FBXO6: variants seen among roughly 807,000 people sequenced by gnomAD.
FBXO6 encodes F-box only protein 6.
A neutral mutation model predicts 25.0 loss-of-function variants in FBXO6; 13 were observed. The observed-to-expected ratio is 0.52, with a 90% CI of 0.34 to 0.83. The LOEUF is 0.83. FBXO6 is among the 40% of genes least tolerant of loss of function. FBXO6 has a pLI of 0.02. For synonymous variants in FBXO6, 138 were observed against 155.3 expected, an observed-to-expected ratio of 0.89 and a Z score of 0.83; for missense variants, 370 against 380.2, an observed-to-expected ratio of 0.97 and a Z score of 0.22.
At chr1:11,670,788 A>G (rs929491011) in intron 2 of FBXO6, among the ~76,000 whole-genome samples, 3 of 152,074 alleles carry the variant, frequency 2.0e-5, no homozygotes, top group Non-Finnish European at 2.9e-5. Context: ...GTACTCTCAC[A>G]GGCCTCTCGT....
intron 3 of FBXO6, 135 bp from the exon 4 acceptor site, chr1:11,671,793 G>C (rs1640622359): frequency 1.3e-6 from 1 of 759,872 alleles, no homozygotes; most frequent in Non-Finnish European, 2.3e-6. Flanking sequence ...GCCAGTGCCT[G>C]TCCCGCAGCG....
At chr1:11,669,543 T>G (rs1432712967) in intron 2 of FBXO6, among the ~76,000 whole-genome samples, 1 of 150,490 alleles carries the variant, frequency 6.6e-6, no homozygotes, top group Non-Finnish European at 1.5e-5. Flanking sequence ...AGGGGCCAAA[T>G]GGACCTTGTT....
intron 2 of FBXO6, among the ~76,000 whole-genome samples, chr1:11,669,707 CAT>C (rs1055297345): frequency 1.0e-4 from 14 of 134,694 alleles, no homozygotes; most frequent in African/African-American, 3.1e-4. Context: ...CATATGTATA[CAT>C]ATATGTGTAT....
chr1:11,669,645 CACGTGTATACATATACACAT>C lies in FBXO6; in HGVS notation c.286+702_286+721del, dbSNP rs1557672819. On this transcript the variant is annotated intron_variant, in intron 2 of 5. Transcript: ENST00000376753. ...GTATATACACATGTATACATATATA[CACGTGTATACATATACACAT>C]GTATATATGTACACATATATACGTA... is the stretch of plus-strand genomic sequence containing the variant. Among the ~76,000 whole-genome samples, 223 of 137,432 alleles carry C rather than the reference CACGTGTATACATATACACAT, an allele frequency of 1.6e-3. 1 individual carries two copies. The highest frequency in any genetic ancestry group is 5.8e-3 in the African/African-American group (206 of 35,490). 90.2% of individuals were successfully genotyped at this position (137,432 alleles called of 152,430 possible). A position where few individuals can be genotyped will look rare whatever the true frequency, so the allele number is the denominator to read the frequency against.
chr1:11,665,211 A>ATTTT (rs1322981488), intron 1 of FBXO6, among the ~76,000 whole-genome samples: 1 of 94,404 alleles, frequency 1.1e-5, no homozygotes, highest in Non-Finnish European at 2.0e-5. Flanking sequence ...GGCCTAGCTA[A>ATTTT]TTTCTTTTTT....
At chr1:11,671,229 A>T in intron 2 of FBXO6, 37 bp from the exon 3 acceptor site, 1 of 1,605,044 alleles carries the variant, frequency 6.2e-7, no homozygotes, top group Non-Finnish European at 8.5e-7. Context: ...CTTTGGATTT[A>T]CACAGGGGGT....
At chr1:11,667,245 C>T (rs1370692224) in intron 1 of FBXO6, among the ~76,000 whole-genome samples, 1 of 152,112 alleles carries the variant, frequency 6.6e-6, no homozygotes, top group Non-Finnish European at 1.5e-5. Flanking sequence ...AGATGAGGCC[C>T]ACCTGAGTGA....
rs1223165589 is a variant in FBXO6, at chr1:11,668,403, T to TG, written c.-3-253_-3-252insG. On this transcript the variant is annotated intron_variant, in intron 1 of 5. Coordinates refer to ENST00000376753, the MANE Select transcript of FBXO6 (RefSeq NM_018438.6). ...GCCTCAGAAATGCTCTTTTGTGGGT[T>TG]TTTTTTTTTTTTTAGCCAGAGTCTT... is the stretch of plus-strand genomic sequence containing the variant. Among the ~76,000 whole-genome samples, 369 of 130,670 alleles carry TG rather than the reference T, an allele frequency of 2.8e-3. 1 individual carries two copies. The highest frequency in any genetic ancestry group is 4.3e-3 in the Admixed American group (60 of 14,022). 85.7% of individuals were successfully genotyped at this position (130,670 alleles called of 152,430 possible). A position where few individuals can be genotyped will look rare whatever the true frequency, so the allele number is the denominator to read the frequency against.
Position 11,674,029 on chromosome 1 carries a change from G to A in FBXO6, c.*178G>A. 1.6e-6 allele frequency: 1 copy of A among 615,168 alleles called. No individual in the cohort carries two copies. Among genetic ancestry groups the A allele is most frequent in the Non-Finnish European group, 2.9e-6 (1 of 348,408 alleles). The allele number at this position is 615,168 out of a possible 1,614,324, so 38.1% of individuals were successfully genotyped here. A position where few individuals can be genotyped will look rare whatever the true frequency, so the allele number is the denominator to read the frequency against. ...GTTGTAATAAATGTTTTCAGGCCGG[G>A]CACTGTGGCTCACGCCTGTAATCCC... is the stretch of plus-strand genomic sequence containing the variant. On this transcript the variant is annotated 3_prime_UTR_variant, in exon 6 of 6. Transcript: ENST00000376753. This position sits in a 1 kb window ranked among gnomAD's most constrained non-coding sequence, Gnocchi z 6.1.
In FBXO6 at chr1:11,669,536, G is replaced by A. The variant is rs1640546217; in HGVS notation, c.286+592G>A. Among the ~76,000 whole-genome samples, 5 of 150,110 alleles carry A rather than the reference G, an allele frequency of 3.3e-5. No individual in the cohort carries two copies. In the South Asian group the frequency reaches 1.0e-3, roughly 31 times the overall value. ...TCTGCTACAAACTTCAAGCTCCAGG[G>A]GCCAAATGGACCTTGTTTGCCACAC... On this transcript the variant is annotated intron_variant, in intron 2 of 5. Coordinates refer to ENST00000376753, the MANE Select transcript of FBXO6 (RefSeq NM_018438.6).
chr1:11,673,800 A>C lies in FBXO6; in HGVS notation c.831A>C (p.Gly277=). The change falls in exon 6 of 6, where the codon GGA becomes GGC. Residue 277 remains glycine (G), a synonymous_variant. Coordinates refer to ENST00000376753, the MANE Select transcript of FBXO6 (RefSeq NM_018438.6). This position sits in a 1 kb window ranked among gnomAD's most constrained non-coding sequence, Gnocchi z 4.3. ...AGGCTCAGCCTGGGCAGAAGCATGG[A>C]CAGGAGGAGGCTGCCCAATCGCCCT... ...SSEAQPGQKH[G]QEEAAQSPYR... 2 of 1,614,086 alleles carry C rather than the reference A, an allele frequency of 1.2e-6. No individual in the cohort carries two copies. Among genetic ancestry groups the C allele is most frequent in the Non-Finnish European group, 1.7e-6 (2 of 1,180,030 alleles).
chr1:11,673,845 T>C lies in FBXO6; in HGVS notation c.876T>C (p.Ile292=). The change falls in exon 6 of 6, where the codon ATT becomes ATC. Residue 292 remains isoleucine (I), a synonymous_variant. Coordinates refer to ENST00000376753, the MANE Select transcript of FBXO6 (RefSeq NM_018438.6). This position sits in a 1 kb window ranked among gnomAD's most constrained non-coding sequence, Gnocchi z 4.3. Reference sequence around the variant, plus strand: ...CGCCCTACCGAGCTGTTGTCCAGATTTTCTGACAGCTGTCCATCCTGTGTC... The same window carrying C: ...CGCCCTACCGAGCTGTTGTCCAGATCTTCTGACAGCTGTCCATCCTGTGTC... ...AQSPYRAVVQ[I]F The C allele has an allele frequency of 6.2e-7, 1 of 1,613,962 alleles. No homozygotes were observed. The highest frequency in any genetic ancestry group is 1.3e-5 in the African/African-American group (1 of 75,036).
intron 4 of FBXO6, 159 bp downstream of exon 4, chr1:11,672,182 G>C (rs568523389): frequency 1.6e-5 from 10 of 627,012 alleles, no homozygotes; most frequent in Non-Finnish European, 2.8e-5. Context: ...CACACCCTGC[G>C]GCACCTCCTG....
intron 1 of FBXO6, among the ~76,000 whole-genome samples, chr1:11,665,934 AT>A (rs915430163): frequency 1.4e-5 from 2 of 143,874 alleles, no homozygotes; most frequent in African/African-American, 5.2e-5. Context: ...CAACTTTTAC[AT>A]TTTTTTTCAA....
At chr1:11,672,404 A>C (rs555207056) in intron 4 of FBXO6, among the ~76,000 whole-genome samples, 167 of 152,208 alleles carry the variant, frequency 1.1e-3, no homozygotes, top group African/African-American at 3.9e-3. Flanking sequence ...CTCCTGCCTC[A>C]GCATCCTGAG....
rs138673974 is a variant in FBXO6 at position 11,668,863 on chromosome 1, G to C, written c.205G>C (p.Asp69His). Residue 69 changes from aspartate (D) to histidine (H), a missense_variant, in exon 2 of 6, where the codon GAC becomes CAC. By Grantham distance (81) the Asp-to-His change is moderately conservative (BLOSUM62 -1). Coordinates refer to ENST00000376753, the MANE Select transcript of FBXO6 (RefSeq NM_018438.6). ...LREGFITKDW[D>H]QPVADWKIFY... ...AGAGGGCTTCATCACCAAGGACTGG[G>C]ACCAGCCCGTGGCCGACTGGAAAAT... 2,343 of 1,614,174 alleles carry C rather than the reference G, an allele frequency of 1.5e-3. 4 individuals carry two copies. Among genetic ancestry groups the C allele is most frequent in the Non-Finnish European group, 1.9e-3 (2,273 of 1,180,034 alleles).
Position 11,673,080 on chromosome 1 carries a change from G to A in FBXO6, c.510-197G>A, listed in dbSNP as rs1482443300. 4.6e-5 allele frequency among the ~76,000 whole-genome samples: 7 copies of A among 152,120 alleles called. No individual in the cohort carries two copies. Among genetic ancestry groups the A allele is most frequent in the Non-Finnish European group, 1.5e-5 (1 of 68,008 alleles). ...CCTCTTCTCAGATGGGGTAACAGAGGCCAGCATGGACAGACAGCTTATCCC... is the reference window on the plus strand; with the variant it reads ...CCTCTTCTCAGATGGGGTAACAGAGACCAGCATGGACAGACAGCTTATCCC... On this transcript the variant is annotated intron_variant, in intron 4 of 5. Transcript: ENST00000376753. The surrounding 1 kb of genome is among the most constrained non-coding windows in gnomAD (Gnocchi z 4.3).
Position 11,673,499 on chromosome 1 carries a change from G to A in FBXO6, c.645+87G>A, listed in dbSNP as rs896420719. 12 of 1,579,644 alleles carry A rather than the reference G, an allele frequency of 7.6e-6. No homozygotes were observed. Among genetic ancestry groups the A allele is most frequent in the Non-Finnish European group, 1.0e-5 (12 of 1,159,692 alleles). On this transcript the variant is annotated intron_variant, in intron 5 of 5. Coordinates refer to ENST00000376753, the MANE Select transcript of FBXO6 (RefSeq NM_018438.6). This position sits in a 1 kb window ranked among gnomAD's most constrained non-coding sequence, Gnocchi z 4.3. Reference sequence around the variant, plus strand: ...AAAGGGCAGCCTCAGGGCCCAGGGTGCCCCTGCTGGCCTGGAGCTGTTGCC... The same window carrying A: ...AAAGGGCAGCCTCAGGGCCCAGGGTACCCCTGCTGGCCTGGAGCTGTTGCC...
intron 1 of FBXO6, among the ~76,000 whole-genome samples, chr1:11,668,417 A>G (rs1458096015): frequency 2.0e-5 from 2 of 101,988 alleles, no homozygotes; most frequent in African/African-American, 9.6e-5. Flanking sequence ...TTTTTTTTTT[A>G]GCCAGAGTCT....
Sources: allele counts gnomAD v4.1 joint callset (sites outside exome capture counted in the v4.1 genomes callset), GRCh38; gene constraint gnomAD v4.1.1; non-coding constraint Gnocchi (gnomAD v3.1); transcripts MANE v1.5; gene names NCBI Gene and HGNC (gene_info 2026-07-23, HGNC 2026-07-21).